Variants in ACER3 observed in about 807,000 individuals in gnomAD.
The protein encoded by ACER3 is alkaline ceramidase 3.
Under a neutral mutation model 48.9 loss-of-function variants are expected in ACER3, and 16 were observed. The ratio of observed to expected loss-of-function variants is 0.33; its 90% CI spans 0.22 to 0.50. The LOEUF is 0.50. Among genes scored for constraint, ACER3 ranks in the 20% least tolerant of loss-of-function variants. The probability of loss-of-function intolerance (pLI) is 0.98; values close to 1 mark genes in which losing one functional copy is unlikely to be tolerated. For synonymous variants in ACER3, 109 were observed against 107.8 expected (o/e 1.01, Z -0.07); for missense variants, 227 against 326.0 (o/e 0.70, Z 2.34).
intron 1 of ACER3, among the ~76,000 whole-genome samples, chr11:76,865,242 C>A (rs1186689122): frequency 6.6e-6 from 1 of 151,386 alleles, no homozygotes; most frequent in Non-Finnish European, 1.5e-5. Flanking sequence ...ACCTCAGCCT[C>A]CCAAAGTGTT....
chr11:76,988,877 C>A (rs912613077), intron 5 of ACER3, among the ~76,000 whole-genome samples: 2 of 152,096 alleles, frequency 1.3e-5, no homozygotes, highest in African/African-American at 4.8e-5. Context: ...AAGTTTGGAT[C>A]CAGGCTACTT....
intron 1 of ACER3, among the ~76,000 whole-genome samples, chr11:76,912,272 G>GC (rs1946396738): frequency 6.6e-6 from 1 of 152,124 alleles, no homozygotes; most frequent in East Asian, 1.9e-4. Context: ...GAAGCTGAGA[G>GC]AGAAGCATGA....
chr11:76,937,917 A>G (rs1290264490), intron 2 of ACER3, among the ~76,000 whole-genome samples: 4 of 152,166 alleles, frequency 2.6e-5, no homozygotes, highest in Non-Finnish European at 5.9e-5. Flanking sequence ...TCCTACGTTT[A>G]TTTACTATAT....
chr11:76,927,726 T>G (rs1373851977), intron 2 of ACER3, among the ~76,000 whole-genome samples: 10 of 152,228 alleles, frequency 6.6e-5, no homozygotes, highest in Non-Finnish European at 1.2e-4. Flanking sequence ...TTTTTGGCCT[T>G]GCGATAGTTT....
intron 3 of ACER3, among the ~76,000 whole-genome samples, chr11:76,974,542 G>A (rs1415384695): frequency 6.6e-6 from 1 of 152,178 alleles, no homozygotes; most frequent in Non-Finnish European, 1.5e-5. Context: ...ACTTAAAAGT[G>A]TCTCAGGATC....
At chr11:76,897,707 C>CT (rs143271745) in intron 1 of ACER3, among the ~76,000 whole-genome samples, 14 of 151,072 alleles carry the variant, frequency 9.3e-5, no homozygotes, top group South Asian at 2.1e-4. Context: ...CTTATTTGTT[C>CT]TTTTTTTTTG....
chr11:76,983,055 A>C (rs979552851), intron 4 of ACER3, among the ~76,000 whole-genome samples: 8 of 152,168 alleles, frequency 5.3e-5, no homozygotes, highest in Admixed American at 5.2e-4. Flanking sequence ...AGCTTTGGAA[A>C]TTTTAGTTCC....
intron 7 of ACER3, among the ~76,000 whole-genome samples, chr11:77,005,398 C>T (rs1192249452): frequency 6.6e-6 from 1 of 152,078 alleles, no homozygotes; most frequent in Non-Finnish European, 1.5e-5. Flanking sequence ...CAGCATTTTA[C>T]CAGTTCCAGT....
At chr11:77,017,877 C>T (rs1279570429) in intron 9 of ACER3, among the ~76,000 whole-genome samples, 1 of 148,818 alleles carries the variant, frequency 6.7e-6, no homozygotes, top group African/African-American at 2.5e-5. Context: ...TTTTGTAATT[C>T]TGACAATATT....
At chr11:76,989,095 CT>C (rs1948743956) in intron 5 of ACER3, among the ~76,000 whole-genome samples, 1 of 152,072 alleles carries the variant, frequency 6.6e-6, no homozygotes, top group Non-Finnish European at 1.5e-5. Flanking sequence ...CAATGGGAAT[CT>C]GATAGCATTA....
chr11:76,900,448 C>G (rs911301745), intron 1 of ACER3, among the ~76,000 whole-genome samples: 3 of 152,084 alleles, frequency 2.0e-5, no homozygotes, highest in Admixed American at 2.0e-4. Context: ...AGTACTTTTC[C>G]ACTATTTGCT....
At chr11:76,918,437 C>T (rs185163222) in intron 1 of ACER3, among the ~76,000 whole-genome samples, 92 of 152,142 alleles carry the variant, frequency 6.0e-4, no homozygotes, top group Non-Finnish European at 1.0e-3. Flanking sequence ...AACCTTCTCC[C>T]TTGTGATAAC....
chr11:76,868,176 G>C (rs573982783), intron 1 of ACER3: 3 of 1,289,620 alleles, frequency 2.3e-6, no homozygotes, highest in African/African-American at 1.5e-5. Flanking sequence ...CACACATCAG[G>C]CTTCTTTTTT....
At chr11:76,977,972 G>T (rs1166446371) in intron 4 of ACER3, among the ~76,000 whole-genome samples, 1 of 152,226 alleles carries the variant, frequency 6.6e-6, no homozygotes, top group African/African-American at 2.4e-5. Context: ...GTGTGCATGT[G>T]CTTGGGGTGG....
intron 2 of ACER3, among the ~76,000 whole-genome samples, chr11:76,929,733 G>A (rs1342217433): frequency 1.3e-5 from 2 of 152,174 alleles, no homozygotes; most frequent in African/African-American, 2.4e-5. Flanking sequence ...TAACCATGTG[G>A]TTTTTGTCTT....
chr11:76,914,429 A>G (rs2134741842), intron 1 of ACER3, among the ~76,000 whole-genome samples: 1 of 152,334 alleles, frequency 6.6e-6, no homozygotes, highest in East Asian at 1.9e-4. Context: ...ATGCAGCCCA[A>G]AAACACATGA....
chr11:76,909,402 C>T (rs1325451333), intron 1 of ACER3, among the ~76,000 whole-genome samples: 2 of 151,986 alleles, frequency 1.3e-5, no homozygotes, highest in Admixed American at 6.6e-5. Flanking sequence ...CCAGAATCTA[C>T]AAGGAACTTA....
At chr11:76,939,839 C>CA (rs1335568079) in intron 2 of ACER3, among the ~76,000 whole-genome samples, 1 of 152,104 alleles carries the variant, frequency 6.6e-6, no homozygotes, top group African/African-American at 2.4e-5. Context: ...TTAAAAGAGA[C>CA]AAGACGGCTA....
intron 1 of ACER3, among the ~76,000 whole-genome samples, chr11:76,869,735 T>C (rs1945193761): frequency 6.6e-6 from 1 of 152,228 alleles, no homozygotes; most frequent in Admixed American, 6.6e-5. Context: ...AGTAGAACCA[T>C]ACAGTACTTG....
Sources: gnomAD v4.1 joint callset for allele counts (sites outside exome capture counted in the v4.1 genomes callset) on GRCh38, gnomAD v4.1.1 for gene constraint, MANE v1.5 for transcripts, NCBI Gene and HGNC (gene_info 2026-07-23, HGNC 2026-07-21) for gene names.